The following DCP2 variants were observed in gnomAD, a reference collection of about 807,000 sequenced individuals.
DCP2 encodes the protein m7GpppN-mRNA hydrolase.
Under a neutral mutation model 56.1 loss-of-function variants are expected in DCP2, and 30 were observed. The observed-to-expected ratio is 0.53, with a 90% confidence interval of 0.40 to 0.73. DCP2 has a LOEUF of 0.73. Ranked by LOEUF, DCP2 falls within the 30% of genes least tolerant of loss-of-function variation. DCP2 has a pLI of 0.00. For missense variants in DCP2, 533 were observed against 502.7 expected, an observed-to-expected ratio of 1.06 and a Z score of -0.58; for synonymous variants, 197 against 163.3, an observed-to-expected ratio of 1.21 and a Z score of -1.57.
At chr5:112,984,818 C>A (rs1365150586) in intron 1 of DCP2, among the ~76,000 whole-genome samples, 2 of 107,920 alleles carry the variant, frequency 1.9e-5, no homozygotes, top group African/African-American at 4.4e-5. Context: ...GATCCTCCTG[C>A]CTTAGCCTCC....
chr5:112,997,601 C>A (rs942980299), intron 4 of DCP2, among the ~76,000 whole-genome samples: 10 of 148,550 alleles, frequency 6.7e-5, no homozygotes, highest in Non-Finnish European at 1.5e-4. Flanking sequence ...TACACTTTTT[C>A]TTTTTCTTTT....
intron 2 of DCP2, among the ~76,000 whole-genome samples, chr5:112,989,463 C>T (rs959774389): frequency 4.6e-5 from 7 of 151,252 alleles, no homozygotes; most frequent in African/African-American, 1.5e-4. Flanking sequence ...TAAATAGAAG[C>T]CTTCTCTGAG....
intron 10 of DCP2, among the ~76,000 whole-genome samples, chr5:113,012,806 G>T (rs1306352793): frequency 6.6e-6 from 1 of 152,030 alleles, no homozygotes; most frequent in Non-Finnish European, 1.5e-5. Flanking sequence ...ACCATGCCTG[G>T]CTAATTTTTG....
At chr5:112,990,656 G>A (rs1580805353) in intron 2 of DCP2, among the ~76,000 whole-genome samples, 1 of 152,178 alleles carries the variant, frequency 6.6e-6, no homozygotes, top group East Asian at 1.9e-4. Context: ...TGCCCAGGCT[G>A]GTCTTGAACT....
At chr5:112,977,372 CTG>C (rs1279130058) in intron 1 of DCP2, among the ~76,000 whole-genome samples, 1 of 152,188 alleles carries the variant, frequency 6.6e-6, no homozygotes, top group Non-Finnish European at 1.5e-5. Context: ...CCCCTCCTCC[CTG>C]TGTCTCATTC....
rs575807236 is a variant in DCP2 at position 113,017,823 on chromosome 5, A to AATATCT, written c.*4355_*4360dup. On this transcript the variant is annotated 3_prime_UTR_variant, in exon 11 of 11. Transcript: ENST00000389063. ...AAGTGTAGTCATTCATATATATATG[A>AATATCT]ATATCTATATCTATATCTATACATA... The AATATCT allele has an allele frequency of 2.7e-4, 41 of 152,290 alleles. No homozygotes were observed. The highest frequency in any genetic ancestry group is 2.5e-3 in the South Asian group (12 of 4,828). The allele number at this position is 152,290 out of a possible 1,614,324, so 9.4% of individuals were successfully genotyped here.
In DCP2 at chr5:113,021,128, C is replaced by T. The variant is rs1409927559; in HGVS notation, c.*7644C>T. On this transcript the variant is annotated 3_prime_UTR_variant, in exon 11 of 11. Transcript: ENST00000389063. ...GGGCGCGGTGCTCATACCTGTAATC[C>T]CAGCACTTTGGGAGGCTGAGTTGGG... 2.0e-5 allele frequency among the ~76,000 whole-genome samples: 3 copies of T among 151,974 alleles called. No individual in the cohort carries two copies. Among genetic ancestry groups the T allele is most frequent in the Non-Finnish European group, 2.9e-5 (2 of 68,002 alleles).
chr5:113,007,159 T>C (rs918776687), intron 8 of DCP2, among the ~76,000 whole-genome samples: 6 of 152,190 alleles, frequency 3.9e-5, no homozygotes, highest in Admixed American at 3.3e-4. Flanking sequence ...TCTTTGTTAT[T>C]TTGTAAAAAT....
chr5:112,978,332 C>T (rs1454944807), intron 1 of DCP2, among the ~76,000 whole-genome samples: 2 of 152,198 alleles, frequency 1.3e-5, no homozygotes. Context: ...ATTTAATCCT[C>T]AGTCAGCCGT....
In DCP2 at chr5:113,007,940, T is replaced by A. The variant is rs1749515382; in HGVS notation, c.945T>A (p.Asn315Lys). 1 of 1,612,808 alleles carries A rather than the reference T, an allele frequency of 6.2e-7. No individual in the cohort carries two copies. The highest frequency in any genetic ancestry group is 1.3e-5 in the African/African-American group (1 of 74,936). ...TATATTTCTTTTTGGGAAAACAGAA[T>A]CAAAGTATGAGGGGAAATGGCAGAA... ...SEMSDLLKGK[N>K]QSMRGNGRKQ... The change falls in exon 9 of 11, where the codon AAT (asparagine) becomes AAA (lysine). Residue 315 changes from asparagine (N) to lysine (K), a missense_variant and splice_region_variant. Asn to Lys is a moderately conservative substitution (Grantham distance 94). This residue lies in a region of DCP2 where 392 missense variants were observed against 346.6 expected (regional missense o/e 1.13). Coordinates refer to ENST00000389063, the MANE Select transcript of DCP2 (RefSeq NM_152624.6).
chr5:113,008,978 G>A (rs1303057140), intron 9 of DCP2, among the ~76,000 whole-genome samples: 1 of 152,014 alleles, frequency 6.6e-6, no homozygotes, highest in Non-Finnish European at 1.5e-5. Context: ...TGAGTAGCTG[G>A]GACTAGAGGT....
At position 113,001,418 on chromosome 5, in the gene DCP2, C is replaced by G; in HGVS notation, c.647C>G (p.Ser216Cys). 1 of 1,614,040 alleles carries G rather than the reference C, an allele frequency of 6.2e-7. No individual in the cohort carries two copies. Among genetic ancestry groups the G allele is most frequent in the Non-Finnish European group, 8.5e-7 (1 of 1,180,012 alleles). ...PCHRNDMTPK[S>C]KLGLAPNKFF... ...CATAGAAATGATATGACCCCCAAAT[C>G]CAAACTTGGTTTGGCACCTAACAAA... The change falls in exon 6 of 11, where the codon TCC becomes TGC. Residue 216 changes from serine to cysteine, a missense_variant. Around this residue, in one of 3 missense-constraint regions of DCP2, gnomAD observed 392 missense variants for 346.6 expected, o/e 1.13. Coordinates refer to ENST00000389063, the MANE Select transcript of DCP2 (RefSeq NM_152624.6).
chr5:112,987,205 G>A (rs1401950294), intron 2 of DCP2, among the ~76,000 whole-genome samples: 3 of 152,152 alleles, frequency 2.0e-5, no homozygotes, highest in African/African-American at 7.2e-5. Flanking sequence ...AAAAAAAGTG[G>A]AAATATTTTA....
chr5:113,010,911 G>T, intron 10 of DCP2, 104 bp downstream of exon 10: 1 of 1,216,250 alleles, frequency 8.2e-7, no homozygotes, highest in Non-Finnish European at 1.1e-6. Context: ...TAGTTAAGCA[G>T]GAAGAGTTGC....
chr5:112,991,257 A>T (rs1748574040), intron 2 of DCP2, among the ~76,000 whole-genome samples: 1 of 152,208 alleles, frequency 6.6e-6, no homozygotes, highest in African/African-American at 2.4e-5. Flanking sequence ...GAGAACCCTT[A>T]AAAGTATGAC....
At chr5:113,005,407 C>T (rs1428113114) in intron 8 of DCP2, among the ~76,000 whole-genome samples, 1 of 152,082 alleles carries the variant, frequency 6.6e-6, no homozygotes, top group Non-Finnish European at 1.5e-5. Context: ...CATTATTAAT[C>T]ATTAGGGAAC....
At position 113,013,347 on chromosome 5, in the gene DCP2, A is replaced by T; in HGVS notation, c.1126A>T (p.Ser376Cys). ...TDAVYDLPSS[S>C]EDQLLEHAEG... ...TGCTGTATATGACTTGCCTAGCTCCAGTGAAGACCAGTTGCTAGAACATGC... is the reference window on the plus strand; with the variant it reads ...TGCTGTATATGACTTGCCTAGCTCCTGTGAAGACCAGTTGCTAGAACATGC... Residue 376 changes from serine to cysteine, a missense_variant, in exon 11 of 11, where the codon AGT becomes TGT. By Grantham distance (112) the Ser-to-Cys change is moderately radical. Coordinates refer to ENST00000389063, the MANE Select transcript of DCP2 (RefSeq NM_152624.6). The T allele has an allele frequency of 6.2e-7, 1 of 1,614,076 alleles. No individual in the cohort carries two copies. Among genetic ancestry groups the T allele is most frequent in the Non-Finnish European group, 8.5e-7 (1 of 1,179,948 alleles).
At chr5:112,977,153 C>CT (rs1466435499) in intron 1 of DCP2, among the ~76,000 whole-genome samples, 167 bp downstream of exon 1, 5 of 152,208 alleles carry the variant, frequency 3.3e-5, no homozygotes, top group Non-Finnish European at 5.9e-5. Flanking sequence ...CACCGCCCCT[C>CT]TTTCCGCCGC....
intron 9 of DCP2, among the ~76,000 whole-genome samples, chr5:113,009,786 C>G (rs958948030): frequency 2.0e-5 from 3 of 152,122 alleles, no homozygotes; most frequent in Non-Finnish European, 4.4e-5. Flanking sequence ...GACACTAGTA[C>G]ATATGATATA....
Sources: gnomAD v4.1 joint callset for allele counts (sites outside exome capture counted in the v4.1 genomes callset) on GRCh38, gnomAD v4.1.1 for gene constraint, gnomAD v4.1.1 regional missense constraint, MANE v1.5 for transcripts, NCBI Gene and HGNC (gene_info 2026-07-23, HGNC 2026-07-21) for gene names.